SMYD3: variants seen among roughly 807,000 people sequenced by gnomAD.
The protein encoded by SMYD3 is histone-lysine N-methyltransferase SMYD3.
In SMYD3, 36 loss-of-function variants were observed where a neutral mutation model predicts 57.7. The ratio of observed to expected loss-of-function variants is 0.62; its 90% CI spans 0.48 to 0.82. SMYD3 has a LOEUF of 0.82. SMYD3 is among the 40% of genes least tolerant of loss of function. SMYD3 has a pLI of 0.00. For synonymous variants in SMYD3, 211 were observed against 195.0 expected, an observed-to-expected ratio of 1.08 and a Z score of -0.68; for missense variants, 515 against 538.8, an observed-to-expected ratio of 0.96 and a Z score of 0.44.
At chr1:245,867,666 G>GCACA (rs66978528) in intron 8 of SMYD3, among the ~76,000 whole-genome samples, 7,103 of 139,754 alleles carry the variant, frequency 0.051, 327 homozygotes, top group East Asian at 0.13. Context: ...GTGCGTGCGC[G>GCACA]CGCACACACA....
At position 245,806,823 on chromosome 1, in the gene SMYD3, T is replaced by G. The variant is rs886592174; in HGVS notation, c.1077-42674A>C. On this transcript the variant is annotated intron_variant, in intron 10 of 11. Transcript: ENST00000490107. ...TACTCGGGAGGCTGAGGCAGGAGAA[T>G]GGCGTGAACCCGGGAGGCGGAGCTT... 2.2e-5 allele frequency among the ~76,000 whole-genome samples: 3 copies of G among 138,688 alleles called. No individual in the cohort carries two copies. In the East Asian group the frequency reaches 6.5e-4, roughly 30 times the overall value. The allele number at this position is 138,688 out of a possible 152,430, so 91.0% of individuals were successfully genotyped here.
At chr1:246,108,126 A>C (rs1367613285) in intron 5 of SMYD3, among the ~76,000 whole-genome samples, 2 of 152,194 alleles carry the variant, frequency 1.3e-5, no homozygotes, top group Non-Finnish European at 2.9e-5. Flanking sequence ...TCTTGTGCAA[A>C]GGAAGAATTC....
intron 5 of SMYD3, among the ~76,000 whole-genome samples, chr1:246,128,584 T>C (rs149114492): frequency 2.3e-4 from 35 of 152,268 alleles, no homozygotes; most frequent in African/African-American, 7.7e-4. Flanking sequence ...ATGAACAAAC[T>C]GGGATTTAGA....
intron 10 of SMYD3, among the ~76,000 whole-genome samples, chr1:245,808,615 A>C (rs1310322222): frequency 6.6e-6 from 1 of 152,042 alleles, no homozygotes; most frequent in Non-Finnish European, 1.5e-5. Context: ...GGCCTTCTCA[A>C]CTTGCTGAGG....
At position 245,785,718 on chromosome 1, in the gene SMYD3, G is replaced by A. The variant is rs114606033; in HGVS notation, c.1077-21569C>T. On this transcript the variant is annotated intron_variant, in intron 10 of 11. Coordinates refer to ENST00000490107, the MANE Select transcript of SMYD3 (RefSeq NM_001167740.2). ...GAGAGCAAGAGAGAGCGAGAGACAG[G>A]CAGACAAGGTCTTGCTCTGCCACCG... Among the ~76,000 whole-genome samples, 378 of 152,160 alleles carry A rather than the reference G, an allele frequency of 2.5e-3. 3 individuals carry two copies. Among genetic ancestry groups the A allele is most frequent in the Non-Finnish European group, 4.5e-3 (309 of 67,988 alleles).
intron 5 of SMYD3, among the ~76,000 whole-genome samples, chr1:246,267,147 T>C (rs2064125314): frequency 6.6e-6 from 1 of 152,190 alleles, no homozygotes; most frequent in South Asian, 2.1e-4. Flanking sequence ...AATAGAGCAA[T>C]ATTATAATAA....
intron 5 of SMYD3, among the ~76,000 whole-genome samples, chr1:246,234,201 A>G (rs1433375650): frequency 6.7e-6 from 1 of 149,168 alleles, no homozygotes; most frequent in African/African-American, 2.5e-5. Context: ...AACATATACC[A>G]CACAGAGGAG....
chr1:246,392,716 G>C (rs1293059140), intron 1 of SMYD3, among the ~76,000 whole-genome samples: 1 of 151,744 alleles, frequency 6.6e-6, no homozygotes, highest in Non-Finnish European at 1.5e-5. Flanking sequence ...CAAAAGTGCT[G>C]GGATTATAGG....
At chr1:246,048,961 T>C (rs553035373) in intron 5 of SMYD3, among the ~76,000 whole-genome samples, 1 of 152,186 alleles carries the variant, frequency 6.6e-6, no homozygotes, top group East Asian at 1.9e-4. Flanking sequence ...AGTTATTAAT[T>C]AAGGAAGCGA....
At chr1:246,421,351 G>T (rs6687154) in intron 1 of SMYD3, among the ~76,000 whole-genome samples, 56 of 151,502 alleles carry the variant, frequency 3.7e-4, no homozygotes, top group Non-Finnish European at 6.0e-4. Context: ...ACCAGTAAAA[G>T]TTACCAAAAG....
At chr1:245,794,858 CAT>C (rs918636152) in intron 10 of SMYD3, among the ~76,000 whole-genome samples, 2 of 152,104 alleles carry the variant, frequency 1.3e-5, no homozygotes, top group African/African-American at 2.4e-5. Context: ...TCTTGTTTCA[CAT>C]ATGTTTGTCC....
intron 5 of SMYD3, among the ~76,000 whole-genome samples, chr1:246,188,770 G>C (rs528115488): frequency 4.6e-5 from 7 of 151,964 alleles, no homozygotes; most frequent in Non-Finnish European, 8.8e-5. Context: ...AGATCAGCCT[G>C]GGCAACATGG....
intron 8 of SMYD3, among the ~76,000 whole-genome samples, chr1:245,903,948 G>A (rs2095959): frequency 0.032 from 4,818 of 152,238 alleles, 88 homozygotes; most frequent in African/African-American, 0.041. Context: ...CATTTTCCCC[G>A]CTGTCTTGGT....
chr1:245,807,813 G>GTA (rs1553328805), intron 10 of SMYD3, among the ~76,000 whole-genome samples: 1 of 111,726 alleles, frequency 9.0e-6, no homozygotes, highest in African/African-American at 3.3e-5. Flanking sequence ...ATTTCCCAGG[G>GTA]AAAAAAAAAA....
At chr1:245,951,727 G>A (rs182839010) in intron 5 of SMYD3, among the ~76,000 whole-genome samples, 16 of 151,110 alleles carry the variant, frequency 1.1e-4, no homozygotes, top group Non-Finnish European at 1.6e-4. Flanking sequence ...AAGAAGAAAC[G>A]TCTCAACTTT....
At chr1:246,060,753 C>T (rs2060238083) in intron 5 of SMYD3, among the ~76,000 whole-genome samples, 1 of 152,132 alleles carries the variant, frequency 6.6e-6, no homozygotes, top group Admixed American at 6.5e-5. Context: ...ATCCAGGACC[C>T]ACTTTATCTT....
chr1:246,457,908 T>G (rs768591872), intron 1 of SMYD3, among the ~76,000 whole-genome samples: 1 of 152,242 alleles, frequency 6.6e-6, no homozygotes, highest in Non-Finnish European at 1.5e-5. Flanking sequence ...CTGGAGGCCC[T>G]ACTATGTGAC....
At chr1:246,314,830 G>C (rs975187211) in intron 5 of SMYD3, among the ~76,000 whole-genome samples, 1 of 152,112 alleles carries the variant, frequency 6.6e-6, no homozygotes, top group African/African-American at 2.4e-5. Context: ...TTCAAATGTC[G>C]AACGATACTA....
intron 5 of SMYD3, among the ~76,000 whole-genome samples, chr1:246,304,809 C>A (rs971993747): frequency 2.6e-5 from 4 of 152,176 alleles, no homozygotes; most frequent in Non-Finnish European, 5.9e-5. Flanking sequence ...TTAATAACTT[C>A]ATATGTAAAG....
Sources: gnomAD v4.1 joint callset for allele counts (sites outside exome capture counted in the v4.1 genomes callset) on GRCh38, gnomAD v4.1.1 for gene constraint, MANE v1.5 for transcripts, NCBI Gene and HGNC (gene_info 2026-07-23, HGNC 2026-07-21) for gene names.